Variants in FREM1 observed in about 807,000 individuals in gnomAD.
FREM1 encodes FRAS1 related extracellular matrix 1.
FREM1 carries 220 observed loss-of-function variants against 210.1 expected under a neutral mutation model. The observed-to-expected ratio is 1.05, with a 90% CI of 0.94 to 1.17. FREM1 has a LOEUF of 1.17. Among genes scored for constraint, FREM1 ranks in the 50% most tolerant of loss-of-function variants. The pLI is 0.00. For synonymous variants in FREM1, 1,189 were observed against 980.2 expected (o/e 1.21, Z -3.98); for missense variants, 3,454 against 2,675.5 (o/e 1.29, Z -6.42).
intron 31 of FREM1, 59 bp downstream of exon 31, chr9:14,748,342 C>CTTCTGATCCTTTTAATATGTA: frequency 1.1e-6 from 1 of 947,938 alleles, no homozygotes; most frequent in Non-Finnish European, 1.6e-6. Context: ...TTATTAATAT[C>CTTCTGATCCTTTTAATATGTA]TTCTGATCCT....
intron 31 of FREM1, 150 bp from the exon 32 acceptor site, chr9:14,747,878 T>G (rs1842747851): frequency 1.9e-6 from 1 of 521,958 alleles, no homozygotes; most frequent in Admixed American, 3.8e-5. Context: ...TCATTGGAAT[T>G]TCAAAAATCA....
At chr9:14,771,802 G>C (rs1847618336) in intron 25 of FREM1, among the ~76,000 whole-genome samples, 1 of 152,056 alleles carries the variant, frequency 6.6e-6, no homozygotes, top group Non-Finnish European at 1.5e-5. Context: ...CTACTCTGTA[G>C]CTATTCAAAA....
chr9:14,742,288 G>A (rs1841711242), intron 35 of FREM1, among the ~76,000 whole-genome samples: 1 of 152,108 alleles, frequency 6.6e-6, no homozygotes, highest in Admixed American at 6.6e-5. Context: ...AGACTTCAGG[G>A]TAACTCTAAG....
In FREM1 at chr9:14,812,905, G is replaced by A; in HGVS notation, c.2800C>T (p.Pro934Ser). The change falls in exon 16 of 37, where the codon CCT becomes TCT. Residue 934 changes from proline to serine, a missense_variant. By Grantham distance (74) the Pro-to-Ser change is moderately conservative. Transcript: ENST00000380880. The part of the protein sequence containing the change: ...LKLMFVIARE[P>S]QHGVVRRAGV... Reference sequence around the variant, plus strand: ...GCTCTCCTCACCACCCCATGCTGAGGTTCGCGAGCAATCACAAACATCAAC... The same window carrying A: ...GCTCTCCTCACCACCCCATGCTGAGATTCGCGAGCAATCACAAACATCAAC... 3 of 1,613,858 alleles carry A rather than the reference G, an allele frequency of 1.9e-6. No homozygotes were observed. The highest frequency in any genetic ancestry group is 2.5e-6 in the Non-Finnish European group (3 of 1,179,836).
intron 13 of FREM1, among the ~76,000 whole-genome samples, chr9:14,820,425 C>G (rs1027740157): frequency 3.3e-5 from 5 of 152,168 alleles, no homozygotes; most frequent in African/African-American, 1.2e-4. Flanking sequence ...TAGGAAGCAC[C>G]TACTCTTCTC....
Position 14,874,222 on chromosome 9 carries a change from T to C in FREM1, c.-267-4978A>G, listed in dbSNP as rs1309755775. Among the ~76,000 whole-genome samples the C allele has an allele frequency of 2.6e-5, 4 of 152,244 alleles. No homozygotes were observed. In the East Asian group the frequency reaches 7.7e-4, roughly 29 times the overall value. On this transcript the variant is annotated intron_variant, in intron 1 of 36. Coordinates refer to ENST00000380880, the MANE Select transcript of FREM1 (RefSeq NM_001379081.2). ...AGGTGAGTTCAATTCCTGGGTACCC[T>C]TGTTAACTTTTGTCTCGTTGATCTG...
chr9:14,865,844 A>T (rs1831422590), intron 2 of FREM1, among the ~76,000 whole-genome samples: 1 of 152,216 alleles, frequency 6.6e-6, no homozygotes, highest in African/African-American at 2.4e-5. Flanking sequence ...TGAAATTATG[A>T]GAATAACAAA....
intron 27 of FREM1, among the ~76,000 whole-genome samples, chr9:14,766,825 T>C (rs1471087442): frequency 6.6e-6 from 1 of 152,168 alleles, no homozygotes; most frequent in East Asian, 1.9e-4. Context: ...TTCCACAGCG[T>C]TTAGCTCATT....
intron 22 of FREM1, among the ~76,000 whole-genome samples, chr9:14,792,514 T>A (rs1388765387): frequency 6.6e-6 from 1 of 152,150 alleles, no homozygotes; most frequent in African/African-American, 2.4e-5. Flanking sequence ...TTAGGGATAA[T>A]CCTACGGGAG....
At chr9:14,825,356 T>C (rs895706933) in intron 10 of FREM1, among the ~76,000 whole-genome samples, 6 of 150,960 alleles carry the variant, frequency 4.0e-5, no homozygotes, top group African/African-American at 1.5e-4. Context: ...GGTGTGGTGA[T>C]GGGTGCCTGC....
chr9:14,870,584 C>CT (rs1386715337), intron 1 of FREM1, among the ~76,000 whole-genome samples: 3 of 151,904 alleles, frequency 2.0e-5, no homozygotes, highest in African/African-American at 7.3e-5. Flanking sequence ...TCAGTGTATC[C>CT]TTTTATCAAT....
chr9:14,757,962 C>G (rs956047193), intron 28 of FREM1, among the ~76,000 whole-genome samples: 2 of 152,210 alleles, frequency 1.3e-5, no homozygotes, highest in African/African-American at 4.8e-5. Flanking sequence ...TTGCATTTCC[C>G]TGCATGGTTC....
In FREM1 at chr9:14,746,488, G is replaced by C. The variant is rs894375964; in HGVS notation, c.6139-20C>G. ...CACATCCTGAAAAACAGTTGTCTGT[G>C]TTCATATCATAATGGTCTTTACAAT... On this transcript the variant is annotated intron_variant, in intron 34 of 36. Transcript: ENST00000380880. 7.0e-6 allele frequency: 11 copies of C among 1,575,180 alleles called. No homozygotes were observed. Among genetic ancestry groups the C allele is most frequent in the Non-Finnish European group, 9.6e-6 (11 of 1,144,824 alleles).
intron 19 of FREM1, among the ~76,000 whole-genome samples, chr9:14,802,852 T>C (rs983971826): frequency 3.3e-5 from 5 of 152,180 alleles, no homozygotes; most frequent in Admixed American, 3.3e-4. Context: ...AGAAAATGTC[T>C]AGTGCTGCTA....
intron 3 of FREM1, among the ~76,000 whole-genome samples, chr9:14,861,022 C>T (rs1197352529): frequency 9.2e-5 from 8 of 86,580 alleles, no homozygotes; most frequent in African/African-American, 3.9e-4. Flanking sequence ...CATATATACA[C>T]ATATATACAT....
intron 1 of FREM1, among the ~76,000 whole-genome samples, chr9:14,902,816 T>G (rs1410130223): frequency 6.6e-6 from 1 of 152,244 alleles, no homozygotes; most frequent in African/African-American, 2.4e-5. Flanking sequence ...AAACTGATTT[T>G]TAAATGGGGG....
At chr9:14,809,331 G>C (rs529435976) in intron 16 of FREM1, among the ~76,000 whole-genome samples, 9 of 152,270 alleles carry the variant, frequency 5.9e-5, no homozygotes, top group South Asian at 2.1e-4. Flanking sequence ...GCCTCAAAAT[G>C]GACTAATACA....
At chr9:14,792,632 T>C in intron 22 of FREM1, 111 bp downstream of exon 22, 1 of 809,044 alleles carries the variant, frequency 1.2e-6, no homozygotes, top group Non-Finnish European at 1.8e-6. Context: ...TTTCTACTTC[T>C]AGGCAAATAT....
intron 1 of FREM1, among the ~76,000 whole-genome samples, chr9:14,884,958 T>C (rs1036005592): frequency 8.5e-6 from 1 of 116,972 alleles, no homozygotes; most frequent in South Asian, 3.3e-4. Flanking sequence ...GGAGTCTCGC[T>C]CTGTCGCCCA....
Sources: gnomAD v4.1 joint callset for allele counts (sites outside exome capture counted in the v4.1 genomes callset) on GRCh38, gnomAD v4.1.1 for gene constraint, MANE v1.5 for transcripts, NCBI Gene and HGNC (gene_info 2026-07-23, HGNC 2026-07-21) for gene names.